FER1L5: variants seen among roughly 807,000 people sequenced by gnomAD.
FER1L5 encodes the protein fer-1 like family member 5, also known as fer-1-like protein 5.
In FER1L5, 187 loss-of-function variants were observed where a neutral mutation model predicts 279.9. That is an observed-to-expected ratio of 0.67 (90% CI 0.59 to 0.75). The LOEUF is 0.75. Ranked by LOEUF, FER1L5 falls within the 30% of genes least tolerant of loss-of-function variation. The pLI is 0.00. For missense variants in FER1L5, 2,091 were observed against 2,594.4 expected, an observed-to-expected ratio of 0.81 and a Z score of 4.21; for synonymous variants, 921 against 989.7, an observed-to-expected ratio of 0.93 and a Z score of 1.30.
chr2:96,676,844 A>T (rs934471922), intron 19 of FER1L5, among the ~76,000 whole-genome samples: 1 of 151,980 alleles, frequency 6.6e-6, no homozygotes, highest in Non-Finnish European at 1.5e-5. Flanking sequence ...ACCTTACATT[A>T]TCTTTGTTAT....
rs2075778770 is a variant in FER1L5 at position 96,659,358 on chromosome 2, C to CTTCTTTCTTTCTTTCTTTCTTTCT, written c.748-980_748-979insTTTCTTTCTTTCTTTCTTTCTTTC. 4.9e-5 allele frequency among the ~76,000 whole-genome samples: 3 copies of CTTCTTTCTTTCTTTCTTTCTTTCT among 60,606 alleles called. No homozygotes were observed. The East Asian group carries it at 2.2e-3, about 45-fold the overall frequency. The allele number at this position is 60,606 out of a possible 152,430, so 39.8% of individuals were successfully genotyped here. A position where few individuals can be genotyped will look rare whatever the true frequency, so the allele number is the denominator to read the frequency against. On this transcript the variant is annotated intron_variant, in intron 9 of 52. Transcript: ENST00000624922. ...CCTTCCTTCCTTCCTTCCTTCCTTC[C>CTTCTTTCTTTCTTTCTTTCTTTCT]TTCCTTCTTTCTTTCTTTCTTTCTT...
At chr2:96,656,764 TA>T (rs1373720619) in intron 9 of FER1L5, among the ~76,000 whole-genome samples, 1 of 151,186 alleles carries the variant, frequency 6.6e-6, no homozygotes, top group Admixed American at 6.6e-5. Context: ...TTTTTTTTTT[TA>T]ATTTGCAACT....
chr2:96,685,892 G>A (rs1196291120), intron 21 of FER1L5, 48 bp from the exon 22 acceptor site: 2 of 1,471,878 alleles, frequency 1.4e-6, no homozygotes, highest in East Asian at 2.5e-5. Context: ...TGGTGACACT[G>A]GGAGGCAGTA....
chr2:96,693,392 C>A, intron 31 of FER1L5, 114 bp from the exon 32 acceptor site: 2 of 1,107,818 alleles, frequency 1.8e-6, no homozygotes, highest in Non-Finnish European at 2.5e-6. Context: ...GCCTCAGTGG[C>A]TGCCCTGCCT....
intron 9 of FER1L5, among the ~76,000 whole-genome samples, chr2:96,655,981 G>A (rs1287363269): frequency 6.6e-6 from 1 of 152,004 alleles, no homozygotes; most frequent in African/African-American, 2.4e-5. Flanking sequence ...CAAAGTGCTG[G>A]GATTACAGGC....
chr2:96,680,641 C>T (rs529305901), intron 19 of FER1L5, among the ~76,000 whole-genome samples: 1 of 152,272 alleles, frequency 6.6e-6, no homozygotes, highest in South Asian at 2.1e-4. Context: ...ATTTTACATA[C>T]TGATTTTGGG....
intron 24 of FER1L5, 145 bp downstream of exon 24, chr2:96,688,092 A>G: frequency 1.7e-6 from 2 of 1,158,450 alleles, no homozygotes; most frequent in Non-Finnish European, 2.4e-6. Flanking sequence ...CTGAAGAGGA[A>G]GAAAAAATTC....
In FER1L5 at chr2:96,702,324, C is replaced by T. The variant is rs1251131594; in HGVS notation, c.5178C>T (p.Ile1726=). 3 of 1,612,502 alleles carry T rather than the reference C, an allele frequency of 1.9e-6. No homozygotes were observed. The highest frequency in any genetic ancestry group is 2.5e-6 in the Non-Finnish European group (3 of 1,179,418). The change falls in exon 47 of 53, where the codon ATC becomes ATT. Residue 1726 remains isoleucine (I), a synonymous_variant. Coordinates refer to ENST00000624922, the MANE Select transcript of FER1L5 (RefSeq NM_001293083.2). This position sits in a 1 kb window ranked among gnomAD's most constrained non-coding sequence, Gnocchi z 4.0. ...RKPKRYELRC[I]IWKTANVDLV... Reference sequence around the variant, plus strand: ...GCCACAGGTATGAGCTGCGATGCATCATCTGGAAGACTGCCAATGTGGACC... The same window carrying T: ...GCCACAGGTATGAGCTGCGATGCATTATCTGGAAGACTGCCAATGTGGACC...
chr2:96,703,208 G>C lies in FER1L5; in HGVS notation c.5553G>C (p.Gln1851His). The change falls in exon 50 of 53, where the codon CAG becomes CAC. Residue 1851 changes from glutamine (Q) to histidine (H), a missense_variant. Gln to His is a conservative substitution (Grantham distance 24). Coordinates refer to ENST00000624922, the MANE Select transcript of FER1L5 (RefSeq NM_001293083.2). ...CCCTCCCGGCTCGGCACGCCAAGCA[G>C]TGCTCCATCAGGATGATGGACGCCG... ...DMPLPARHAK[Q>H]CSIRMMDADP... The C allele has an allele frequency of 6.2e-7, 1 of 1,613,906 alleles. No individual in the cohort carries two copies. The highest frequency in any genetic ancestry group is 8.5e-7 in the Non-Finnish European group (1 of 1,179,856).
intron 19 of FER1L5, among the ~76,000 whole-genome samples, chr2:96,676,723 C>T (rs1348259085): frequency 6.6e-6 from 1 of 151,502 alleles, no homozygotes; most frequent in Non-Finnish European, 1.5e-5. Flanking sequence ...ACAATATTGA[C>T]CCTTAACTCA....
chr2:96,689,816 G>A lies in FER1L5; in HGVS notation c.2640+58G>A, dbSNP rs2077072903. On this transcript the variant is annotated intron_variant, in intron 26 of 52. Transcript: ENST00000624922. The surrounding 1 kb of genome is among the most constrained non-coding windows in gnomAD (Gnocchi z 4.6). ...GGCAAGCAAGGCCACCAGGCGGGGC[G>A]CCTTGGAAGCTGGGGGTCCCAGTGG... 7.8e-6 allele frequency: 11 copies of A among 1,409,676 alleles called. No homozygotes were observed. Among genetic ancestry groups the A allele is most frequent in the Admixed American group, 2.4e-5 (1 of 41,596 alleles). The allele number at this position is 1,409,676 out of a possible 1,614,324, so 87.3% of individuals were successfully genotyped here. A position where few individuals can be genotyped will look rare whatever the true frequency, so the allele number is the denominator to read the frequency against.
intron 23 of FER1L5, 53 bp downstream of exon 23, chr2:96,686,403 G>A (rs2076927170): frequency 4.0e-6 from 6 of 1,514,642 alleles, no homozygotes; most frequent in Non-Finnish European, 4.4e-6. Context: ...TGCCCCCAGG[G>A]GAGCCCCCTG....
Position 96,701,104 on chromosome 2 carries a change from G to A in FER1L5, c.5070+633G>A, listed in dbSNP as rs929810318. ...GAGGCGGGCAGATCACTTGAGGCCAGGAGTTTGAGACCACCCTGGCCAACA... is the reference window on the plus strand; with the variant it reads ...GAGGCGGGCAGATCACTTGAGGCCAAGAGTTTGAGACCACCCTGGCCAACA... On this transcript the variant is annotated intron_variant, in intron 45 of 52. Transcript: ENST00000624922. 2.6e-5 allele frequency among the ~76,000 whole-genome samples: 4 copies of A among 152,348 alleles called. No homozygotes were observed. In the East Asian group the frequency reaches 7.7e-4, roughly 29 times the overall value.
chr2:96,651,295 C>CTT (rs1354648127), intron 6 of FER1L5, among the ~76,000 whole-genome samples: 8 of 134,488 alleles, frequency 5.9e-5, no homozygotes, highest in African/African-American at 8.3e-5. Context: ...TTCTTTCTTT[C>CTT]TTTCTTCTTT....
Position 96,685,415 on chromosome 2 carries a change from G to A in FER1L5, c.1881G>A (p.Leu627=), listed in dbSNP as rs752773178. 15 of 1,550,748 alleles carry A rather than the reference G, an allele frequency of 9.7e-6. No individual in the cohort carries two copies. Among genetic ancestry groups the A allele is most frequent in the East Asian group, 2.4e-5 (1 of 40,908 alleles). ...AGTGGGAGAAACTGCTGAGGGAGCT[G>A]GCAGAGGACTGCAAGTAGGAGTAGG... The part of the protein sequence containing the change: ...LYQWEKLLRE[L]AEDCKRPLPC... Residue 627 remains leucine, a synonymous_variant, in exon 21 of 53, where the codon CTG becomes CTA. Coordinates refer to ENST00000624922, the MANE Select transcript of FER1L5 (RefSeq NM_001293083.2).
chr2:96,672,660 A>ATGTGTGTGTG (rs140636948), intron 18 of FER1L5, among the ~76,000 whole-genome samples: 15 of 148,172 alleles, frequency 1.0e-4, no homozygotes, highest in Admixed American at 8.8e-4. Flanking sequence ...GGGAGTATGA[A>ATGTGTGTGTG]TGTGTGTGTG....
chr2:96,662,347 C>G, intron 13 of FER1L5, 80 bp downstream of exon 13: 1 of 1,308,846 alleles, frequency 7.6e-7, no homozygotes, highest in Non-Finnish European at 1.1e-6. Context: ...GCCTGGTGGG[C>G]AAGACCACAG....
In FER1L5 at chr2:96,704,237, T is replaced by C. The variant is rs1310267304; in HGVS notation, c.5824T>C (p.Trp1942Arg). ...PPLRTNTSFT[W>R]LRSPVQNFCY... ...CAGACGCACCAACACCTCTTTCACG[T>C]GGCTGCGGTCACCAGTTCAAAACTT... is the stretch of plus-strand genomic sequence containing the variant. The change falls in exon 52 of 53, where the codon TGG (tryptophan) becomes CGG (arginine). Residue 1942 changes from tryptophan (W) to arginine (R), a missense_variant. Coordinates refer to ENST00000624922, the MANE Select transcript of FER1L5 (RefSeq NM_001293083.2). 1 of 1,613,910 alleles carries C rather than the reference T, an allele frequency of 6.2e-7. No individual in the cohort carries two copies. Among genetic ancestry groups the C allele is most frequent in the African/African-American group, 1.3e-5 (1 of 74,934 alleles).
chr2:96,704,432 T>C, intron 52 of FER1L5, 36 bp from the exon 53 acceptor site: 1 of 1,612,966 alleles, frequency 6.2e-7, no homozygotes, highest in Non-Finnish European at 8.5e-7. Flanking sequence ...GTCTTCAGCT[T>C]GCCACCCCAG....
Sources: allele counts gnomAD v4.1 joint callset (sites outside exome capture counted in the v4.1 genomes callset), GRCh38; gene constraint gnomAD v4.1.1; non-coding constraint Gnocchi (gnomAD v3.1); transcripts MANE v1.5; gene names NCBI Gene and HGNC (gene_info 2026-07-23, HGNC 2026-07-21).